Variants in USPL1 observed in about 807,000 individuals in gnomAD.
USPL1 encodes SUMO-specific isopeptidase USPL1.
Under a neutral mutation model 51.5 loss-of-function variants are expected in USPL1, and 27 were observed. The ratio of observed to expected loss-of-function variants is 0.52; its 90% CI spans 0.39 to 0.72. USPL1 has a LOEUF of 0.72. Ranked by LOEUF, USPL1 falls within the 30% of genes least tolerant of loss-of-function variation. The probability of loss-of-function intolerance (pLI) is 0.00; values close to 1 mark genes in which losing one functional copy is unlikely to be tolerated. For synonymous variants in USPL1, 451 were observed against 459.6 expected, an observed-to-expected ratio of 0.98 and a Z score of 0.24; for missense variants, 1,226 against 1,268.0, an observed-to-expected ratio of 0.97 and a Z score of 0.50.
chr13:30,635,012 T>C (rs987724666), intron 4 of USPL1, among the ~76,000 whole-genome samples: 1 of 152,222 alleles, frequency 6.6e-6, no homozygotes, highest in Admixed American at 6.5e-5. Context: ...ATCTTATCCC[T>C]ATTTGTTCTG....
chr13:30,636,124 A>C (rs1950872653), intron 4 of USPL1, among the ~76,000 whole-genome samples: 1 of 152,196 alleles, frequency 6.6e-6, no homozygotes, highest in African/African-American at 2.4e-5. Context: ...GTTTCTCACA[A>C]GCATTTTGCC....
chr13:30,633,317 A>AT (rs1464090446), intron 4 of USPL1, among the ~76,000 whole-genome samples: 2 of 152,244 alleles, frequency 1.3e-5, no homozygotes, highest in Non-Finnish European at 2.9e-5. Flanking sequence ...AGGAAAAAGC[A>AT]TAATATATAA....
chr13:30,628,096 A>G (rs1950749557), intron 3 of USPL1, among the ~76,000 whole-genome samples: 2 of 139,248 alleles, frequency 1.4e-5, no homozygotes, highest in Non-Finnish European at 1.5e-5. Context: ...GGGTTTCACC[A>G]TGTTGGCCAG....
In USPL1 at chr13:30,631,046, A is replaced by T; in HGVS notation, c.440A>T (p.Asp147Val). 1.9e-6 allele frequency: 3 copies of T among 1,614,174 alleles called. No individual in the cohort carries two copies. Among genetic ancestry groups the T allele is most frequent in the Non-Finnish European group, 2.5e-6 (3 of 1,180,030 alleles). ...LNSKHNGEVY[D>V]ETSSNLPDSS... ...AGCAAACATAATGGAGAAGTATATG[A>T]CGAAACCTCGTCAAACTTACCTGAT... is the stretch of plus-strand genomic sequence containing the variant. Residue 147 changes from aspartate to valine, a missense_variant, in exon 4 of 9, where the codon GAC becomes GTC. Physicochemically the swap from Asp to Val is radical, Grantham distance 152. Coordinates refer to ENST00000255304, the MANE Select transcript of USPL1 (RefSeq NM_005800.5).
At chr13:30,646,047 C>T (rs1439348970) in intron 6 of USPL1, among the ~76,000 whole-genome samples, 1 of 152,148 alleles carries the variant, frequency 6.6e-6, no homozygotes, top group African/African-American at 2.4e-5. Flanking sequence ...TTGTTGATAT[C>T]TTTATGTTGC....
At position 30,659,463 on chromosome 13, in the gene USPL1, TA is replaced by T. The variant is rs1159385660; in HGVS notation, c.*109del. ...TGGACTTGTGTAATTACTTGTGTAA[TA>T]ACCATGAACAAAATGCAAGGTTTAA... On this transcript the variant is annotated 3_prime_UTR_variant, in exon 9 of 9. Transcript: ENST00000255304. 1.9e-6 allele frequency: 2 copies of T among 1,040,558 alleles called. No homozygotes were observed. The highest frequency in any genetic ancestry group is 2.7e-6 in the Non-Finnish European group (2 of 749,740). The allele number at this position is 1,040,558 out of a possible 1,614,324, so 64.5% of individuals were successfully genotyped here.
intron 5 of USPL1, among the ~76,000 whole-genome samples, chr13:30,639,139 T>C (rs7326883): frequency 0.5 from 75,636 of 150,938 alleles, 21,584 homozygotes; most frequent in African/African-American, 0.78. Flanking sequence ...TCGCTTGAAC[T>C]TGGGAGACAG....
At chr13:30,644,039 C>T (rs952545460) in intron 6 of USPL1, among the ~76,000 whole-genome samples, 1 of 151,966 alleles carries the variant, frequency 6.6e-6, no homozygotes, top group Non-Finnish European at 1.5e-5. Flanking sequence ...AATCCCAGCA[C>T]TTTGGTAGGC....
At position 30,659,388 on chromosome 13, in the gene USPL1, T is replaced by A. The variant is rs1951225135; in HGVS notation, c.*32T>A. 2.1e-6 allele frequency: 3 copies of A among 1,451,968 alleles called. No individual in the cohort carries two copies. The highest frequency in any genetic ancestry group is 1.4e-5 in the African/African-American group (1 of 69,292). 89.9% of individuals were successfully genotyped at this position (1,451,968 alleles called of 1,614,324 possible). ...GCTTGTTAACTTTTTTCATATAATA[T>A]TTATTATTATTAGAAGAACTTACAA... On this transcript the variant is annotated 3_prime_UTR_variant, in exon 9 of 9. Coordinates refer to ENST00000255304, the MANE Select transcript of USPL1 (RefSeq NM_005800.5).
intron 3 of USPL1, among the ~76,000 whole-genome samples, chr13:30,625,576 G>C (rs1257528931): frequency 6.6e-6 from 1 of 151,504 alleles, no homozygotes; most frequent in Non-Finnish European, 1.5e-5. Flanking sequence ...CTCCTCAGTA[G>C]GTGAGATTAC....
chr13:30,631,857 T>C (rs574574774), intron 4 of USPL1, among the ~76,000 whole-genome samples: 218 of 152,294 alleles, frequency 1.4e-3, no homozygotes, highest in African/African-American at 5.1e-3. Flanking sequence ...AAAGATGTCA[T>C]CCATTGCTTC....
chr13:30,621,211 C>T lies in USPL1; in HGVS notation c.71C>T (p.Ser24Leu). The T allele has an allele frequency of 1.2e-6, 2 of 1,600,570 alleles. No individual in the cohort carries two copies. Among genetic ancestry groups the T allele is most frequent in the Admixed American group, 1.7e-5 (1 of 57,694 alleles). Residue 24 changes from serine to leucine, a missense_variant, in exon 2 of 9, where the codon TCA becomes TTA. By Grantham distance (145) the Ser-to-Leu change is moderately radical (BLOSUM62 -2). Transcript: ENST00000255304. ...IGPGTDIGISSLHMVGYLGKN... is the reference protein window; with the variant it reads ...IGPGTDIGISLLHMVGYLGKN... ...CCAGGGACTGATATAGGGATATCTTCACTCCACATGGTGGGGTATTTGGGA... is the reference window on the plus strand; with the variant it reads ...CCAGGGACTGATATAGGGATATCTTTACTCCACATGGTGGGGTATTTGGGA...
At chr13:30,648,718 C>T (rs1337017099) in intron 7 of USPL1, among the ~76,000 whole-genome samples, 1 of 152,004 alleles carries the variant, frequency 6.6e-6, no homozygotes. Flanking sequence ...ATCTTTTTTG[C>T]CCCTCACTAT....
At chr13:30,654,435 A>G (rs1232973468) in intron 8 of USPL1, among the ~76,000 whole-genome samples, 3 of 148,292 alleles carry the variant, frequency 2.0e-5, no homozygotes, top group Non-Finnish European at 3.0e-5. Flanking sequence ...ATCTCACTAT[A>G]TTGCCCAGGC....
Position 30,653,191 on chromosome 13 carries a change from C to T in USPL1, c.1282C>T (p.Gln428Ter). 6.2e-7 allele frequency: 1 copy of T among 1,612,346 alleles called. No homozygotes were observed. Among genetic ancestry groups the T allele is most frequent in the Non-Finnish European group, 8.5e-7 (1 of 1,178,798 alleles). The part of the protein sequence containing the change: ...FMLHFVEGLP[Q>*]NDLQHYAFHF... ...GTTGCACTTTGTAGAAGGCTTACCA[C>T]AGAATGACTTGCAGCACTATGCATT... The change falls in exon 8 of 9, where the codon CAG (glutamine) becomes TAG (stop). Residue 428 changes from glutamine to a stop codon, truncating the protein, a stop_gained. Coordinates refer to ENST00000255304, the MANE Select transcript of USPL1 (RefSeq NM_005800.5). LOFTEE classifies it high-confidence loss of function.
intron 6 of USPL1, among the ~76,000 whole-genome samples, chr13:30,645,127 C>T (rs1387798823): frequency 2.0e-5 from 3 of 152,192 alleles, no homozygotes; most frequent in Non-Finnish European, 4.4e-5. Context: ...GCCTCTAAGA[C>T]TTTCTTGCTC....
chr13:30,639,335 C>T (rs1425130905), intron 5 of USPL1, among the ~76,000 whole-genome samples: 3 of 151,802 alleles, frequency 2.0e-5, no homozygotes, highest in Admixed American at 2.0e-4. Flanking sequence ...TGACGTACTT[C>T]TTTGACTCAT....
chr13:30,658,940 A>T lies in USPL1; in HGVS notation c.2863A>T (p.Thr955Ser). The change falls in exon 9 of 9, where the codon ACC becomes TCC. Residue 955 changes from threonine to serine, a missense_variant. Coordinates refer to ENST00000255304, the MANE Select transcript of USPL1 (RefSeq NM_005800.5). The stretch of plus-strand genomic sequence containing the variant: ...TGATATTGCCAGTGAGTCTGCATGC[A>T]CCACTGTTCCTGGTGTTTCCCTGTA... ...PIDIASESAC[T>S]TVPGVSLYSS... 6.2e-7 allele frequency: 1 copy of T among 1,614,244 alleles called. No individual in the cohort carries two copies. Among genetic ancestry groups the T allele is most frequent in the South Asian group, 1.1e-5 (1 of 91,090 alleles).
intron 5 of USPL1, among the ~76,000 whole-genome samples, chr13:30,640,029 T>C (rs778286876): frequency 3.3e-5 from 5 of 152,222 alleles, no homozygotes; most frequent in Non-Finnish European, 7.3e-5. Context: ...CTCTTTTCAG[T>C]GCAGGAGGAT....
Sources: gnomAD v4.1 joint callset for allele counts (sites outside exome capture counted in the v4.1 genomes callset) on GRCh38, gnomAD v4.1.1 for gene constraint, MANE v1.5 for transcripts, NCBI Gene and HGNC (gene_info 2026-07-23, HGNC 2026-07-21) for gene names.